The following DPP6 variants were observed in gnomAD, a reference collection of about 807,000 sequenced individuals.
The protein encoded by DPP6 is dipeptidyl peptidase like 6.
Under a neutral mutation model 122.6 loss-of-function variants are expected in DPP6, and 69 were observed. That is an observed-to-expected ratio of 0.56 (90% CI 0.46 to 0.69). DPP6 has a LOEUF of 0.69. DPP6 is among the 30% of genes least tolerant of loss of function. DPP6 has a pLI of 0.00. For synonymous variants in DPP6, 418 were observed against 433.1 expected (o/e 0.97, Z 0.43); for missense variants, 928 against 1,116.9 (o/e 0.83, Z 2.41).
chr7:154,312,704 A>G (rs1175065423), intron 1 of DPP6, among the ~76,000 whole-genome samples: 1 of 152,150 alleles, frequency 6.6e-6, no homozygotes, highest in Non-Finnish European at 1.5e-5. Flanking sequence ...CTCTCAAAAC[A>G]CTTTAAAAGG....
At chr7:154,123,042 C>T (rs1039712296) in intron 1 of DPP6, among the ~76,000 whole-genome samples, 2 of 152,122 alleles carry the variant, frequency 1.3e-5, no homozygotes, top group African/African-American at 4.8e-5. Flanking sequence ...AAATCAGAAT[C>T]GTATCAAAGG....
At chr7:154,787,614 C>G (rs1371629072) in intron 10 of DPP6, among the ~76,000 whole-genome samples, 6 of 152,182 alleles carry the variant, frequency 3.9e-5, no homozygotes, top group Non-Finnish European at 7.3e-5. Context: ...TTATTTGACT[C>G]TCTACTGAAA....
chr7:154,096,081 T>A (rs1217560847), intron 1 of DPP6: 2 of 95,156 alleles, frequency 2.1e-5, no homozygotes, highest in Non-Finnish European at 4.2e-5. Flanking sequence ...TTTCCCCTGT[T>A]GCCCAGGTTA....
At chr7:154,184,359 T>A (rs1017450490) in intron 1 of DPP6, among the ~76,000 whole-genome samples, 6 of 151,936 alleles carry the variant, frequency 3.9e-5, no homozygotes, top group African/African-American at 1.2e-4. Flanking sequence ...TCCACTCCCC[T>A]CTGATTCCCA....
chr7:154,501,642 A>G (rs1157023428), intron 3 of DPP6, among the ~76,000 whole-genome samples: 2 of 152,218 alleles, frequency 1.3e-5, no homozygotes, highest in Non-Finnish European at 2.9e-5. Flanking sequence ...ACCTCTGCCT[A>G]GATTTCAGAA....
At chr7:154,585,176 A>G (rs1231979773) in intron 5 of DPP6, among the ~76,000 whole-genome samples, 3 of 152,226 alleles carry the variant, frequency 2.0e-5, no homozygotes, top group Admixed American at 1.3e-4. Flanking sequence ...AGCAGTATAT[A>G]AAGACTAGCT....
At chr7:154,630,987 A>G (rs945413503) in intron 5 of DPP6, among the ~76,000 whole-genome samples, 2 of 152,254 alleles carry the variant, frequency 1.3e-5, no homozygotes, top group African/African-American at 4.8e-5. Context: ...CCTAAAAAAA[A>G]GAATGTATTT....
the DPP6 span, among the ~76,000 whole-genome samples, chr7:153,833,442 G>C: frequency 1.3e-5 from 2 of 152,190 alleles, no homozygotes; most frequent in Non-Finnish European, 2.9e-5. Context: ...GGGAGGCTGA[G>C]GCGGGCGGAT....
chr7:154,873,975 C>T (rs903329333), intron 19 of DPP6, among the ~76,000 whole-genome samples: 4 of 135,088 alleles, frequency 3.0e-5, no homozygotes, highest in Non-Finnish European at 4.8e-5. Flanking sequence ...CATACATAAG[C>T]ACACACATGC....
intron 6 of DPP6, among the ~76,000 whole-genome samples, chr7:154,646,543 G>A (rs1410645946): frequency 6.6e-6 from 1 of 152,204 alleles, no homozygotes; most frequent in Non-Finnish European, 1.5e-5. Flanking sequence ...AATGCTGAGA[G>A]TCAATACTGC....
chr7:154,180,032 G>A (rs1296980827), intron 1 of DPP6, among the ~76,000 whole-genome samples: 1 of 152,154 alleles, frequency 6.6e-6, no homozygotes, highest in Admixed American at 6.6e-5. Context: ...ACAGAATGAA[G>A]TACAGGATAT....
chr7:153,830,624 G>A, the DPP6 span, among the ~76,000 whole-genome samples: 1 of 152,154 alleles, frequency 6.6e-6, no homozygotes, highest in Non-Finnish European at 1.5e-5. Context: ...ATTTCGAATT[G>A]GCCACTGTTT....
At chr7:153,893,499 A>G (rs1799290556) in intron 1 of DPP6, among the ~76,000 whole-genome samples, 1 of 152,260 alleles carries the variant, frequency 6.6e-6, no homozygotes, top group Non-Finnish European at 1.5e-5. Flanking sequence ...TAGGCTGTGC[A>G]TTTGTGAGAA....
Position 154,321,508 on chromosome 7 carries a change from C to T in DPP6, c.244-124706C>T, listed in dbSNP as rs564784792. Among the ~76,000 whole-genome samples the T allele has an allele frequency of 3.9e-5, 6 of 151,958 alleles. No homozygotes were observed. In the East Asian group the frequency reaches 9.7e-4, roughly 25 times the overall value. On this transcript the variant is annotated intron_variant, in intron 1 of 25. Coordinates refer to ENST00000377770, the MANE Select transcript of DPP6 (RefSeq NM_130797.4). ...TTAGAAATTGATGATGGCGGCCAGGCGCGGTCGCTCACGTCTGTAATCCCA... is the reference window on the plus strand; with the variant it reads ...TTAGAAATTGATGATGGCGGCCAGGTGCGGTCGCTCACGTCTGTAATCCCA...
chr7:154,240,350 G>A (rs537962169), intron 1 of DPP6, among the ~76,000 whole-genome samples: 1 of 152,230 alleles, frequency 6.6e-6, no homozygotes, highest in Non-Finnish European at 1.5e-5. Flanking sequence ...GAAAAAATCT[G>A]CTCTTTCCTG....
chr7:154,045,201 T>TTA lies in DPP6; in HGVS notation c.51+157467_51+157468insTA, dbSNP rs371741301. The stretch of plus-strand genomic sequence containing the variant: ...ATTCTGAATAAAGTCTTAGAAAAGA[T>TTA]AAAAAAAAAAAAAACACTCCCTCCC... On this transcript the variant is annotated intron_variant, in intron 1 of 25. Transcript: ENST00000404039. 8.5e-4 allele frequency among the ~76,000 whole-genome samples: 120 copies of TTA among 141,410 alleles called. 1 individual carries two copies. The highest frequency in any genetic ancestry group is 1.6e-3 in the African/African-American group (62 of 38,918). The allele number at this position is 141,410 out of a possible 152,430, so 92.8% of individuals were successfully genotyped here.
chr7:153,947,270 C>T (rs1801990357), intron 1 of DPP6, among the ~76,000 whole-genome samples: 1 of 152,208 alleles, frequency 6.6e-6, no homozygotes, highest in East Asian at 1.9e-4. Context: ...ACAGCGGAAA[C>T]CTACTGGCTC....
intron 1 of DPP6, among the ~76,000 whole-genome samples, chr7:154,321,551 AG>A (rs1807955068): frequency 6.6e-6 from 1 of 152,002 alleles, no homozygotes; most frequent in African/African-American, 2.4e-5. Context: ...TGGGAGGCTG[AG>A]GCGGGCGGAT....
At position 153,945,844 on chromosome 7, in the gene DPP6, G is replaced by A. The variant is rs147080182; in HGVS notation, c.51+58110G>A. Among the ~76,000 whole-genome samples the A allele has an allele frequency of 1.2e-3, 184 of 152,274 alleles. No individual in the cohort carries two copies. The East Asian group carries it at 0.014, about 11-fold the overall frequency. ...CTTGTCCTCGTCTAACCTGCATGCC[G>A]TGTTGACTGAGTATGGAATTTTCCC... is the stretch of plus-strand genomic sequence containing the variant. On this transcript the variant is annotated intron_variant, in intron 1 of 25. Coordinates refer to the DPP6 transcript ENST00000404039.
Sources: gnomAD v4.1 joint callset for allele counts (sites outside exome capture counted in the v4.1 genomes callset) on GRCh38, gnomAD v4.1.1 for gene constraint, MANE v1.5 for transcripts, NCBI Gene and HGNC (gene_info 2026-07-23, HGNC 2026-07-21) for gene names.